The following MAX variants were observed in gnomAD, a reference collection of about 807,000 sequenced individuals.
MAX encodes the protein MYC associated transcriptional regulator X.
In MAX, 3 loss-of-function variants were observed where a neutral mutation model predicts 22.3. The ratio of observed to expected loss-of-function variants is 0.13; its 90% CI spans 0.06 to 0.35. MAX has a LOEUF of 0.35. MAX is among the 10% of genes least tolerant of loss of function. The probability of loss-of-function intolerance (pLI) is 1.00; values close to 1 mark genes in which losing one functional copy is unlikely to be tolerated. For missense variants in MAX, 119 were observed against 209.4 expected (o/e 0.57, Z 2.66); for synonymous variants, 72 against 77.7 (o/e 0.93, Z 0.39).
rs1658058653 is a variant in MAX, at chr14:65,009,877, C to T, written c.172-3593G>A. On this transcript the variant is annotated intron_variant, in intron 3 of 3. Coordinates refer to the MAX transcript ENST00000341653. This position sits in a 1 kb window ranked among gnomAD's most constrained non-coding sequence, Gnocchi z 4.2. Reference sequence around the variant, plus strand: ...ACAGCGTTTATTGGACAGGGCTCTGCTTGTCATTTTCACATGTGTGTCCAC... The same window carrying T: ...ACAGCGTTTATTGGACAGGGCTCTGTTTGTCATTTTCACATGTGTGTCCAC... 6.6e-6 allele frequency among the ~76,000 whole-genome samples: 1 copy of T among 152,120 alleles called. No homozygotes were observed.
In MAX at chr14:65,082,914, C is replaced by T. The variant is rs558350572; in HGVS notation, c.172-4878G>A. Among the ~76,000 whole-genome samples the T allele has an allele frequency of 3.3e-5, 5 of 152,142 alleles. No homozygotes were observed. Among genetic ancestry groups the T allele is most frequent in the Non-Finnish European group, 7.4e-5 (5 of 68,022 alleles). On this transcript the variant is annotated intron_variant, in intron 3 of 4. Transcript: ENST00000358664. The surrounding 1 kb of genome is among the most constrained non-coding windows in gnomAD (Gnocchi z 4.8). ...GAAAGGAAAAGCCTCAAGATGCAAGCGAGCTTGAGAGAACTGACCTAACCA... is the reference window on the plus strand; with the variant it reads ...GAAAGGAAAAGCCTCAAGATGCAAGTGAGCTTGAGAGAACTGACCTAACCA...
At chr14:65,087,178 A>C (rs1341437680) in intron 3 of MAX, among the ~76,000 whole-genome samples, 1 of 152,136 alleles carries the variant, frequency 6.6e-6, no homozygotes. Context: ...GTCCAGGGAG[A>C]AGTTTGCTGA....
chr14:65,036,059 C>T (rs1453056479), intron 3 of MAX, among the ~76,000 whole-genome samples: 1 of 151,954 alleles, frequency 6.6e-6, no homozygotes, highest in East Asian at 1.9e-4. Flanking sequence ...TCTTGAACTC[C>T]TGGTTTCAAG....
rs2139784123 is a variant in MAX, at chr14:65,082,183, A to G, written c.172-4147T>C. 6.6e-6 allele frequency: 1 copy of G among 152,316 alleles called. No individual in the cohort carries two copies. Among genetic ancestry groups the G allele is most frequent in the East Asian group, 1.9e-4 (1 of 5,188 alleles). The allele number at this position is 152,316 out of a possible 1,614,324, so 9.4% of individuals were successfully genotyped here. ...GGATTTGAATCCAAGCCTCCAGGACACTCATACTTTGGGAACACAGGGGAA... is the reference window on the plus strand; with the variant it reads ...GGATTTGAATCCAAGCCTCCAGGACGCTCATACTTTGGGAACACAGGGGAA... On this transcript the variant is annotated intron_variant, in intron 3 of 4. Coordinates refer to ENST00000358664, the MANE Select transcript of MAX (RefSeq NM_002382.5). The surrounding 1 kb of genome is among the most constrained non-coding windows in gnomAD (Gnocchi z 4.8).
chr14:65,026,065 G>C (rs1319529648), intron 3 of MAX, among the ~76,000 whole-genome samples: 2 of 152,232 alleles, frequency 1.3e-5, no homozygotes, highest in Non-Finnish European at 2.9e-5. Flanking sequence ...TCTTCTTGGA[G>C]AGTAGGCTAT....
At chr14:65,052,491 A>G (rs148799186) in intron 3 of MAX, among the ~76,000 whole-genome samples, 1 of 152,354 alleles carries the variant, frequency 6.6e-6, no homozygotes, top group Non-Finnish European at 1.5e-5. Flanking sequence ...ATCGATTTCT[A>G]TGCAGATGTT....
intron 3 of MAX, among the ~76,000 whole-genome samples, chr14:65,059,958 C>T (rs192703424): frequency 6.6e-6 from 1 of 151,550 alleles, no homozygotes; most frequent in East Asian, 2.0e-4. Flanking sequence ...TTCAGCCTCC[C>T]AACTAGCTGG....
At chr14:65,100,278 C>T (rs1407860856) in intron 2 of MAX, among the ~76,000 whole-genome samples, 1 of 151,918 alleles carries the variant, frequency 6.6e-6, no homozygotes, top group South Asian at 2.1e-4. Context: ...GGTGAAACCC[C>T]GTCTCTACTA....
intron 3 of MAX, chr14:65,021,929 A>G: frequency 2.2e-6 from 1 of 456,044 alleles, no homozygotes; most frequent in Non-Finnish European, 4.4e-6. Context: ...TATAGGCGTG[A>G]GCCACTGCGC....
Position 65,075,604 on chromosome 14 carries a change from G to C in MAX, c.*872C>G, listed in dbSNP as rs2063037692. On this transcript the variant is annotated 3_prime_UTR_variant, in exon 5 of 5. Coordinates refer to ENST00000358664, the MANE Select transcript of MAX (RefSeq NM_002382.5). The surrounding 1 kb of genome is among the most constrained non-coding windows in gnomAD (Gnocchi z 4.1). ...TGCAAGACCGACATCATCAGAAATA[G>C]GTACAATTCACTCAGATTCAAATTT... The C allele has an allele frequency of 9.4e-7, 1 of 1,066,256 alleles. No individual in the cohort carries two copies. Among genetic ancestry groups the C allele is most frequent in the African/African-American group, 1.6e-5 (1 of 61,224 alleles). 66.0% of individuals were successfully genotyped at this position (1,066,256 alleles called of 1,614,324 possible). A position where few individuals can be genotyped will look rare whatever the true frequency, so the allele number is the denominator to read the frequency against.
At chr14:65,048,594 C>T (rs1208476524) in intron 3 of MAX, among the ~76,000 whole-genome samples, 1 of 152,134 alleles carries the variant, frequency 6.6e-6, no homozygotes, top group Non-Finnish European at 1.5e-5. Context: ...GGTTCATGAC[C>T]ATAATCCCAG....
At position 65,009,480 on chromosome 14, in the gene MAX, G is replaced by C. The variant is rs1273068425; in HGVS notation, c.172-3196C>G. ...TGAGAAAATCGAGGCTGACCCACCT[G>C]ACTTTCCTGTTTCCTTCTTCCCACA... On this transcript the variant is annotated intron_variant, in intron 3 of 3. Coordinates refer to the MAX transcript ENST00000341653. The surrounding 1 kb of genome is among the most constrained non-coding windows in gnomAD (Gnocchi z 4.2). 6.6e-6 allele frequency among the ~76,000 whole-genome samples: 1 copy of C among 152,090 alleles called. No homozygotes were observed. The highest frequency in any genetic ancestry group is 1.5e-5 in the Non-Finnish European group (1 of 68,010).
In MAX at chr14:65,102,474, C is replaced by G; in HGVS notation, c.-135G>C. The G allele has an allele frequency of 6.6e-7, 1 of 1,514,116 alleles. No individual in the cohort carries two copies. The highest frequency in any genetic ancestry group is 1.3e-5 in the South Asian group (1 of 79,218). The allele number at this position is 1,514,116 out of a possible 1,614,324, so 93.8% of individuals were successfully genotyped here. Reference sequence around the variant, plus strand: ...TCACTCACTCACTCACTCGCTCTCTCACTCACACACACACACAACACGGGC... The same window carrying G: ...TCACTCACTCACTCACTCGCTCTCTGACTCACACACACACACAACACGGGC... On this transcript the variant is annotated 5_prime_UTR_variant, in exon 1 of 5. Transcript: ENST00000358664.
At chr14:65,057,761 T>G (rs2062770624) in intron 3 of MAX, among the ~76,000 whole-genome samples, 1 of 152,186 alleles carries the variant, frequency 6.6e-6, no homozygotes, top group South Asian at 2.1e-4. Flanking sequence ...TAATGTTATC[T>G]TTTTTCCATA....
intron 3 of MAX, chr14:65,041,041 C>T: frequency 6.9e-7 from 1 of 1,447,608 alleles, no homozygotes; most frequent in South Asian, 1.4e-5. Context: ...AGCTCTGTTC[C>T]AACACAGAGG....
intron 3 of MAX, among the ~76,000 whole-genome samples, chr14:65,056,197 C>T (rs546226649): frequency 5.5e-4 from 84 of 152,240 alleles, no homozygotes; most frequent in African/African-American, 1.9e-3. Context: ...TTTCCACTTG[C>T]CATTGTATTT....
chr14:65,087,388 G>A (rs2063367925), intron 3 of MAX, among the ~76,000 whole-genome samples: 1 of 152,198 alleles, frequency 6.6e-6, no homozygotes, highest in African/African-American at 2.4e-5. Context: ...GACACTCAAT[G>A]CCAGCCTGTG....
intron 3 of MAX, among the ~76,000 whole-genome samples, chr14:65,090,862 G>A (rs1483240272): frequency 6.6e-6 from 1 of 152,190 alleles, no homozygotes; most frequent in African/African-American, 2.4e-5. Context: ...GGTAAATAGA[G>A]TTTGGGTCCC....
chr14:65,067,443 A>G (rs2062942016), intron 3 of MAX, among the ~76,000 whole-genome samples: 1 of 152,152 alleles, frequency 6.6e-6, no homozygotes, highest in African/African-American at 2.4e-5. Flanking sequence ...CACCCAGGAC[A>G]CTACATTACA....
Sources: allele counts gnomAD v4.1 joint callset (sites outside exome capture counted in the v4.1 genomes callset), GRCh38; gene constraint gnomAD v4.1.1; non-coding constraint Gnocchi (gnomAD v3.1); transcripts MANE v1.5; gene names NCBI Gene and HGNC (gene_info 2026-07-23, HGNC 2026-07-21).